SGK3: variants seen among roughly 807,000 people sequenced by gnomAD.
SGK3 encodes the protein serum/glucocorticoid regulated kinase family member 3.
SGK3 carries 47 observed loss-of-function variants against 68.5 expected under a neutral mutation model. The observed-to-expected ratio is 0.69, with a 90% CI of 0.54 to 0.87. The LOEUF is 0.87. Among genes scored for constraint, SGK3 ranks in the 40% least tolerant of loss-of-function variants. SGK3 has a pLI of 0.00. For synonymous variants in SGK3, 181 were observed against 189.1 expected (o/e 0.96, Z 0.35); for missense variants, 479 against 575.5 (o/e 0.83, Z 1.72).
At position 66,785,755 on chromosome 8, in the gene SGK3, C is replaced by G. The variant is rs577568622; in HGVS notation, c.-121-7861C>G. Among the ~76,000 whole-genome samples, 3 of 152,330 alleles carry G rather than the reference C, an allele frequency of 2.0e-5. No individual in the cohort carries two copies. The East Asian group carries it at 5.8e-4, about 29-fold the overall frequency. On this transcript the variant is annotated intron_variant, in intron 1 of 16. Coordinates refer to ENST00000521198, the MANE Select transcript of SGK3 (RefSeq NM_001033578.3). Reference sequence around the variant, plus strand: ...TTGCCGTCATCTGACCCATTTCTTTCTGTCTTGTTGGACTTGTCTGAGTTG... The same window carrying G: ...TTGCCGTCATCTGACCCATTTCTTTGTGTCTTGTTGGACTTGTCTGAGTTG...
In SGK3 at chr8:66,798,524, A is replaced by C. The variant is rs756505062; in HGVS notation, c.97-18A>C. On this transcript the variant is annotated intron_variant, in intron 2 of 16. Coordinates refer to ENST00000521198, the MANE Select transcript of SGK3 (RefSeq NM_001033578.3). ...GCAATTAAATTGTGTTATATTATGTAATTTTTTATTTCCACAGGTTTATAA... is the reference window on the plus strand; with the variant it reads ...GCAATTAAATTGTGTTATATTATGTCATTTTTTATTTCCACAGGTTTATAA... 6.3e-7 allele frequency: 1 copy of C among 1,593,142 alleles called. No homozygotes were observed. Among genetic ancestry groups the C allele is most frequent in the East Asian group, 2.2e-5 (1 of 44,614 alleles).
In SGK3 at chr8:66,779,596, ATATAT is replaced by A. The variant is rs1196769127; in HGVS notation, c.-121-14019_-121-14015del. ...TATATATATATATATATATATATATATATATAAAACACATTTTTTATATATATACG... is the reference window on the plus strand; with the variant it reads ...TATATATATATATATATATATATATAAAAACACATTTTTTATATATATACG... On this transcript the variant is annotated intron_variant, in intron 1 of 16. Transcript: ENST00000521198. Among the ~76,000 whole-genome samples, 1,088 of 127,160 alleles carry A rather than the reference ATATAT, an allele frequency of 8.6e-3. 8 individuals carry two copies. Among genetic ancestry groups the A allele is most frequent in the Non-Finnish European group, 0.01 (651 of 62,216 alleles). 83.4% of individuals were successfully genotyped at this position (127,160 alleles called of 152,430 possible). A position where few individuals can be genotyped will look rare whatever the true frequency, so the allele number is the denominator to read the frequency against.
intron 1 of SGK3, among the ~76,000 whole-genome samples, chr8:66,787,939 G>T (rs1563627479): frequency 6.6e-6 from 1 of 152,174 alleles, no homozygotes; most frequent in Non-Finnish European, 1.5e-5. Context: ...ACCACCACGT[G>T]TACTGCTCAG....
chr8:66,786,642 C>A (rs1256812664), intron 1 of SGK3, among the ~76,000 whole-genome samples: 1 of 152,116 alleles, frequency 6.6e-6, no homozygotes, highest in African/African-American at 2.4e-5. Context: ...GTGATTTAAC[C>A]GCTTTATGTT....
intron 4 of SGK3, among the ~76,000 whole-genome samples, chr8:66,812,713 A>G (rs796387591): frequency 8.5e-5 from 13 of 152,264 alleles, no homozygotes; most frequent in African/African-American, 2.9e-4. Context: ...ACTTAGATGC[A>G]TTATCTCATT....
chr8:66,775,404 C>T (rs1211916817), intron 1 of SGK3: 2 of 152,366 alleles, frequency 1.3e-5, no homozygotes, highest in Non-Finnish European at 2.9e-5. Flanking sequence ...GGAGGGACCC[C>T]GGGGGCGCGG....
At chr8:66,720,187 C>T (rs1804756772) in intron 1 of SGK3, among the ~76,000 whole-genome samples, 2 of 152,066 alleles carry the variant, frequency 1.3e-5, no homozygotes, top group East Asian at 3.8e-4. Context: ...AATGAGAGTC[C>T]GTCAATATTC....
intron 15 of SGK3, among the ~76,000 whole-genome samples, chr8:66,849,937 T>C (rs1810199860): frequency 6.6e-6 from 1 of 152,094 alleles, no homozygotes; most frequent in South Asian, 2.1e-4. Flanking sequence ...AACAAACAAA[T>C]AGAAAAACCA....
rs996615325 is a variant in SGK3 at position 66,791,500 on chromosome 8, G to A, written c.-121-2116G>A. Among the ~76,000 whole-genome samples, 27 of 152,218 alleles carry A rather than the reference G, an allele frequency of 1.8e-4. 1 individual carries two copies. Among genetic ancestry groups the A allele is most frequent in the Non-Finnish European group, 2.2e-4 (15 of 68,016 alleles). On this transcript the variant is annotated intron_variant, in intron 1 of 16. Transcript: ENST00000521198. ...TGTACCTGTTCTCTTAGATGTCCCCGGGGTACCTTACAGGAGACAAGTTGT... is the reference window on the plus strand; with the variant it reads ...TGTACCTGTTCTCTTAGATGTCCCCAGGGTACCTTACAGGAGACAAGTTGT...
chr8:66,804,221 G>A (rs569669907), intron 3 of SGK3, among the ~76,000 whole-genome samples, 154 bp from the exon 4 acceptor site: 10 of 151,952 alleles, frequency 6.6e-5, no homozygotes, highest in Non-Finnish European at 1.2e-4. Flanking sequence ...ACATTTTATT[G>A]GTATAATTTA....
chr8:66,859,385 A>G, intron 16 of SGK3, 26 bp from the exon 17 acceptor site: 1 of 1,564,166 alleles, frequency 6.4e-7, no homozygotes, highest in Non-Finnish European at 8.7e-7. Context: ...GCTAAGGTGA[A>G]TAATACTGTG....
intron 16 of SGK3, among the ~76,000 whole-genome samples, chr8:66,851,164 C>G (rs1227187966): frequency 6.6e-6 from 1 of 152,026 alleles, no homozygotes; most frequent in East Asian, 1.9e-4. Flanking sequence ...TTCTTTGGAG[C>G]ATGTATAAGA....
chr8:66,750,408 T>G (rs1301757842), intron 1 of SGK3, among the ~76,000 whole-genome samples: 1 of 152,052 alleles, frequency 6.6e-6, no homozygotes, highest in African/African-American at 2.4e-5. Context: ...TTTGTCTAGG[T>G]GCTAGAGATA....
At chr8:66,806,003 C>G (rs1201535954) in intron 4 of SGK3, among the ~76,000 whole-genome samples, 1 of 152,190 alleles carries the variant, frequency 6.6e-6, no homozygotes, top group East Asian at 1.9e-4. Flanking sequence ...ACGGACTGCT[C>G]TTTATCCTGC....
At chr8:66,742,794 T>G (rs1805520312) in intron 1 of SGK3, among the ~76,000 whole-genome samples, 1 of 152,224 alleles carries the variant, frequency 6.6e-6, no homozygotes, top group Admixed American at 6.5e-5. Context: ...TCCATTGCTG[T>G]TGGAGTAAGA....
chr8:66,854,049 A>G (rs895902735), intron 16 of SGK3, among the ~76,000 whole-genome samples: 6 of 152,326 alleles, frequency 3.9e-5, no homozygotes, highest in Middle Eastern at 3.4e-3. Flanking sequence ...ATATCCTAAC[A>G]TTCCATTCTA....
chr8:66,794,066 A>G (rs1256966594), intron 2 of SGK3, among the ~76,000 whole-genome samples: 1 of 152,188 alleles, frequency 6.6e-6, no homozygotes, highest in Non-Finnish European at 1.5e-5. Context: ...GAAACTATCT[A>G]ATTAATCTTC....
At chr8:66,723,804 ACAG>A (rs1391400597) in intron 1 of SGK3, among the ~76,000 whole-genome samples, 1 of 152,204 alleles carries the variant, frequency 6.6e-6, no homozygotes, top group Non-Finnish European at 1.5e-5. Context: ...GTAGTTGTAC[ACAG>A]TTGACAATTT....
At chr8:66,821,678 A>ATTTTTTTTT (rs59399048) in intron 5 of SGK3, among the ~76,000 whole-genome samples, 7 of 108,584 alleles carry the variant, frequency 6.4e-5, no homozygotes, top group Non-Finnish European at 1.2e-4. Flanking sequence ...ACGCCCGGCT[A>ATTTTTTTTT]TTTTTTTTTT....
Sources: gnomAD v4.1 joint callset for allele counts (sites outside exome capture counted in the v4.1 genomes callset) on GRCh38, gnomAD v4.1.1 for gene constraint, MANE v1.5 for transcripts, NCBI Gene and HGNC (gene_info 2026-07-23, HGNC 2026-07-21) for gene names.